The following RAP1GAP2 variants were observed in gnomAD, a reference collection of about 807,000 sequenced individuals.
RAP1GAP2 encodes rap1 GTPase-activating protein 2.
Under a neutral mutation model 95.0 loss-of-function variants are expected in RAP1GAP2, and 27 were observed. The observed-to-expected ratio is 0.28, with a 90% CI of 0.21 to 0.39. The LOEUF is 0.39. Ranked by LOEUF, RAP1GAP2 falls within the 10% of genes least tolerant of loss-of-function variation. RAP1GAP2 has a pLI of 1.00. For missense variants in RAP1GAP2, 771 were observed against 970.0 expected (o/e 0.79, Z 2.72); for synonymous variants, 373 against 380.9 (o/e 0.98, Z 0.24).
At chr17:2,782,891 C>T (rs900594147) in intron 1 of RAP1GAP2, among the ~76,000 whole-genome samples, 4 of 152,134 alleles carry the variant, frequency 2.6e-5, no homozygotes, top group African/African-American at 9.7e-5. Context: ...GTGGTGAGCA[C>T]CTGTAATCCC....
intron 1 of RAP1GAP2, among the ~76,000 whole-genome samples, chr17:2,777,676 C>T (rs988942336): frequency 1.3e-5 from 2 of 152,180 alleles, no homozygotes; most frequent in Non-Finnish European, 2.9e-5. Context: ...CTATAGCTCC[C>T]CCTACATGCT....
intron 12 of RAP1GAP2, among the ~76,000 whole-genome samples, chr17:2,994,665 A>T (rs766451405): frequency 2.5e-4 from 38 of 152,222 alleles, no homozygotes; most frequent in Non-Finnish European, 5.3e-4. Flanking sequence ...GCAGAGAGCA[A>T]AGAAAGGCCG....
At chr17:2,840,865 G>C (rs2071345812) in intron 2 of RAP1GAP2, among the ~76,000 whole-genome samples, 1 of 152,172 alleles carries the variant, frequency 6.6e-6, no homozygotes, top group Non-Finnish European at 1.5e-5. Context: ...GGGTGTGGTG[G>C]CCTGGGCCTG....
chr17:2,896,176 A>G (rs1295277157), intron 2 of RAP1GAP2, among the ~76,000 whole-genome samples: 1 of 152,084 alleles, frequency 6.6e-6, no homozygotes, highest in Non-Finnish European at 1.5e-5. Context: ...CCCACAGTCC[A>G]TGTTTGGCAC....
intron 1 of RAP1GAP2, among the ~76,000 whole-genome samples, chr17:2,762,962 C>T (rs2071284089): frequency 6.6e-6 from 1 of 152,110 alleles, no homozygotes; most frequent in Non-Finnish European, 1.5e-5. Context: ...AGGTGTGAGC[C>T]ACCACACCCA....
chr17:2,916,970 T>C lies in RAP1GAP2; in HGVS notation c.165+11602T>C, dbSNP rs370512768. ...CGAGCCACGGGCTTCGGCCTAGGCG[T>C]CTAGGCCAGCTGAGCTGTGCTCCTT... On this transcript the variant is annotated intron_variant, in intron 3 of 24. Coordinates refer to ENST00000254695, the MANE Select transcript of RAP1GAP2 (RefSeq NM_015085.5). Among the ~76,000 whole-genome samples, 25 of 152,322 alleles carry C rather than the reference T, an allele frequency of 1.6e-4. No individual in the cohort carries two copies. In the East Asian group the frequency reaches 3.1e-3, roughly 19 times the overall value.
In RAP1GAP2 at chr17:2,771,489, T is replaced by TGG. The variant is rs1370418841; in HGVS notation, c.167+1044_167+1045insGG. On this transcript the variant is annotated intron_variant, in intron 2 of 25. Coordinates refer to the RAP1GAP2 transcript ENST00000637138. ...TCCCCATCAAAGCCACTTTTTTGTT[T>TGG]TTTTTTTTTGTTTTTTTTTTTTAGA... Among the ~76,000 whole-genome samples, 813 of 150,058 alleles carry TGG rather than the reference T, an allele frequency of 5.4e-3. 3 individuals are homozygous for TGG. Among genetic ancestry groups the TGG allele is most frequent in the African/African-American group, 0.019 (764 of 40,320 alleles).
chr17:2,931,487 C>T (rs1198383637), intron 3 of RAP1GAP2, among the ~76,000 whole-genome samples: 1 of 152,232 alleles, frequency 6.6e-6, no homozygotes, highest in Non-Finnish European at 1.5e-5. Context: ...TGTCCCTACC[C>T]TAACCTCGTT....
chr17:2,846,337 C>T (rs1031373949), intron 2 of RAP1GAP2, among the ~76,000 whole-genome samples: 3 of 152,050 alleles, frequency 2.0e-5, no homozygotes, highest in Non-Finnish European at 4.4e-5. Context: ...ATTATTGGGT[C>T]GTATTCCACC....
At chr17:2,807,689 C>A (rs2069578208) in intron 2 of RAP1GAP2, among the ~76,000 whole-genome samples, 1 of 152,148 alleles carries the variant, frequency 6.6e-6, no homozygotes, top group African/African-American at 2.4e-5. Context: ...GCAGGTGGGA[C>A]CTGGGAGCAG....
At chr17:2,992,294 G>C (rs2045788356) in intron 12 of RAP1GAP2, among the ~76,000 whole-genome samples, 1 of 151,626 alleles carries the variant, frequency 6.6e-6, no homozygotes, top group African/African-American at 2.4e-5. Context: ...CCGAGTAGCT[G>C]GGACTACAAG....
rs2042053326 is a variant in RAP1GAP2, at chr17:2,902,375, C to G, written c.81-2909C>G. Reference sequence around the variant, plus strand: ...CGGATGACAGGCACACGCCACCATGCCTGGCTAATTTTTGTATTTTTAGTA... The same window carrying G: ...CGGATGACAGGCACACGCCACCATGGCTGGCTAATTTTTGTATTTTTAGTA... On this transcript the variant is annotated intron_variant, in intron 2 of 24. Transcript: ENST00000254695. This position sits in a 1 kb window ranked among gnomAD's most constrained non-coding sequence, Gnocchi z 4.1. Among the ~76,000 whole-genome samples the G allele has an allele frequency of 6.6e-6, 1 of 152,186 alleles. No homozygotes were observed. The highest frequency in any genetic ancestry group is 1.5e-5 in the Non-Finnish European group (1 of 68,032).
At chr17:2,990,271 C>T (rs2151562200) in intron 11 of RAP1GAP2, among the ~76,000 whole-genome samples, 1 of 152,330 alleles carries the variant, frequency 6.6e-6, no homozygotes, top group Middle Eastern at 3.4e-3. Flanking sequence ...GTTGCTAGAT[C>T]ATATGGTGAC....
chr17:2,872,443 C>G (rs191037034), intron 2 of RAP1GAP2, among the ~76,000 whole-genome samples: 1 of 151,224 alleles, frequency 6.6e-6, no homozygotes, highest in Admixed American at 6.6e-5. Context: ...AAACAAAGAC[C>G]GTTGGTTACA....
rs1337862949 is a variant in RAP1GAP2, at chr17:3,035,138, T to C, written c.*1777T>C. On this transcript the variant is annotated 3_prime_UTR_variant, in exon 25 of 25. Coordinates refer to ENST00000254695, the MANE Select transcript of RAP1GAP2 (RefSeq NM_015085.5). The surrounding 1 kb of genome is among the most constrained non-coding windows in gnomAD (Gnocchi z 4.3). The stretch of plus-strand genomic sequence containing the variant: ...CCCTTTGCTAGTACTTTCTCTAAAG[T>C]ACTAGTCTAGTAAAATTTATTCTTG... 6.6e-6 allele frequency: 1 copy of C among 152,570 alleles called. No homozygotes were observed. The highest frequency in any genetic ancestry group is 2.4e-5 in the African/African-American group (1 of 41,440). The allele number at this position is 152,570 out of a possible 1,614,324, so 9.5% of individuals were successfully genotyped here.
chr17:2,833,550 T>C (rs149500606), intron 2 of RAP1GAP2, among the ~76,000 whole-genome samples: 2 of 150,954 alleles, frequency 1.3e-5, no homozygotes, highest in East Asian at 2.0e-4. Context: ...ATGAGCCGGG[T>C]GTGTTGGCGG....
intron 10 of RAP1GAP2, among the ~76,000 whole-genome samples, chr17:2,981,574 G>T (rs2045357727): frequency 6.6e-6 from 1 of 152,182 alleles, no homozygotes; most frequent in South Asian, 2.1e-4. Flanking sequence ...TGACTCTGTA[G>T]CTGGGGGCTG....
chr17:2,959,755 C>T (rs1418081121), intron 4 of RAP1GAP2, among the ~76,000 whole-genome samples: 1 of 152,206 alleles, frequency 6.6e-6, no homozygotes, highest in Non-Finnish European at 1.5e-5. Context: ...CGCTTTCTAG[C>T]TGAGTATCTT....
chr17:2,791,558 C>T (rs2068924130), upstream of RAP1GAP2, among the ~76,000 whole-genome samples: 1 of 152,180 alleles, frequency 6.6e-6, no homozygotes, highest in South Asian at 2.1e-4. Flanking sequence ...AATCATCAAG[C>T]TGGGTTAATT....
Sources: gnomAD v4.1 joint callset for allele counts (sites outside exome capture counted in the v4.1 genomes callset) on GRCh38, gnomAD v4.1.1 for gene constraint, Gnocchi (gnomAD v3.1) non-coding constraint, MANE v1.5 for transcripts, NCBI Gene and HGNC (gene_info 2026-07-23, HGNC 2026-07-21) for gene names.